HIP1R: variants seen among roughly 807,000 people sequenced by gnomAD.
HIP1R encodes the protein huntingtin-interacting protein 1-related protein.
Under a neutral mutation model 144.2 loss-of-function variants are expected in HIP1R, and 135 were observed. That is an observed-to-expected ratio of 0.94 (90% CI 0.81 to 1.08). The LOEUF (loss-of-function observed/expected upper bound fraction) is 1.08, where lower values mean the gene tolerates loss of function less well. Ranked by LOEUF, HIP1R falls within the 50% of genes least tolerant of loss-of-function variation. The pLI is 0.00. For missense variants in HIP1R, 1,462 were observed against 1,432.8 expected (o/e 1.02, Z -0.33); for synonymous variants, 698 against 612.8 (o/e 1.14, Z -2.05).
intron 20 of HIP1R, 43 bp downstream of exon 20, chr12:122,858,478 AGTTCC>A: frequency 6.7e-7 from 1 of 1,483,210 alleles, no homozygotes; most frequent in Non-Finnish European, 9.2e-7. Flanking sequence ...GCTGTGTCCC[AGTTCC>A]AGCGCCCATG....
chr12:122,839,089 T>C (rs2032985824), intron 1 of HIP1R, among the ~76,000 whole-genome samples: 1 of 152,232 alleles, frequency 6.6e-6, no homozygotes, highest in African/African-American at 2.4e-5. Context: ...TAGAAGGGCC[T>C]CAGCAGATAC....
At chr12:122,837,875 C>A (rs942971590) in intron 1 of HIP1R, among the ~76,000 whole-genome samples, 1 of 152,186 alleles carries the variant, frequency 6.6e-6, no homozygotes, top group Admixed American at 6.5e-5. Context: ...AGCCGCCAGC[C>A]AGGTCCCGTG....
intron 10 of HIP1R, 26 bp downstream of exon 10, chr12:122,855,154 G>A (rs1158268618): frequency 6.2e-7 from 1 of 1,610,174 alleles, no homozygotes; most frequent in African/African-American, 1.3e-5. Flanking sequence ...GGGCCCCGAG[G>A]CCCTTTGAGG....
intron 1 of HIP1R, among the ~76,000 whole-genome samples, chr12:122,846,135 G>A (rs2033206048): frequency 1.3e-5 from 2 of 152,224 alleles, no homozygotes; most frequent in Admixed American, 1.3e-4. Context: ...CCTGGCTTGT[G>A]ACAGGACAGC....
intron 27 of HIP1R, 49 bp from the exon 28 acceptor site, chr12:122,860,630 C>T (rs1307136447): frequency 1.9e-6 from 3 of 1,577,472 alleles, no homozygotes; most frequent in Admixed American, 3.3e-5. Context: ...GTGGTGCCAG[C>T]CGTCCGTGGG....
rs1326620843 is a variant in HIP1R, at chr12:122,858,878, C to T, written c.2091C>T (p.His697=). The T allele has an allele frequency of 1.9e-6, 3 of 1,613,328 alleles. No homozygotes were observed. The highest frequency in any genetic ancestry group is 2.5e-6 in the Non-Finnish European group (3 of 1,180,018). Residue 697 remains histidine, a synonymous_variant, in exon 21 of 32, where the codon CAC becomes CAT. Coordinates refer to ENST00000253083, the MANE Select transcript of HIP1R (RefSeq NM_003959.3). ...TGGCAGCTCTGACCCGCTTCTCCCACCTGGCTGCGGATACCATCATCAATG... is the reference window on the plus strand; with the variant it reads ...TGGCAGCTCTGACCCGCTTCTCCCATCTGGCTGCGGATACCATCATCAATG... ...ALVAALTRFS[H]LAADTIINGG...
At chr12:122,842,314 C>T (rs539403924) in intron 1 of HIP1R, among the ~76,000 whole-genome samples, 2 of 152,312 alleles carry the variant, frequency 1.3e-5, no homozygotes, top group South Asian at 4.1e-4. Context: ...TTCATTTCAG[C>T]GTTGATTTTA....
At chr12:122,853,989 C>G in intron 7 of HIP1R, 54 bp from the exon 8 acceptor site, 2 of 1,583,038 alleles carry the variant, frequency 1.3e-6, no homozygotes, top group Admixed American at 3.4e-5. Flanking sequence ...CCACCTTGGA[C>G]AGGTTGCCCA....
Position 122,860,470 on chromosome 12 carries a change from C to A in HIP1R, c.2607C>A (p.Thr869=). 6.2e-7 allele frequency: 1 copy of A among 1,613,338 alleles called. No individual in the cohort carries two copies. The highest frequency in any genetic ancestry group is 8.5e-7 in the Non-Finnish European group (1 of 1,179,998). The stretch of plus-strand genomic sequence containing the variant: ...TTTACGCCAAGAACTCGCGCTGGAC[C>A]GAAGGCCTCATCTCGGCCTCCAAGG... ...QEFYAKNSRW[T]EGLISASKAV... The change falls in exon 27 of 32, where the codon ACC becomes ACA. Residue 869 remains threonine, a synonymous_variant. Transcript: ENST00000253083.
In HIP1R at chr12:122,851,237, T is replaced by TTCCA; in HGVS notation, c.518_521dup (p.Gln174HisfsTer9). 1 of 1,521,606 alleles carries TTCCA rather than the reference T, an allele frequency of 6.6e-7. No individual in the cohort carries two copies. The highest frequency in any genetic ancestry group is 8.8e-7 in the Non-Finnish European group (1 of 1,142,206). The allele number at this position is 1,521,606 out of a possible 1,614,324, so 94.3% of individuals were successfully genotyped here. A position where few individuals can be genotyped will look rare whatever the true frequency, so the allele number is the denominator to read the frequency against. The stretch of plus-strand genomic sequence containing the variant: ...TCTTCCCCCACTTCTCTTGCGTAGC[T>TTCCA]TCCAGCTCACTGTGGAGATGTTTGA... On this transcript the variant is annotated frameshift_variant and splice_region_variant, in exon 7 of 32. Transcript: ENST00000253083. LOFTEE classifies it high-confidence loss of function.
At position 122,835,631 on chromosome 12, in the gene HIP1R, C is replaced by T. The variant is rs772979386; in HGVS notation, c.81C>T (p.Phe27=). ...GCCTGGAGGCCGAGCGCGAGCAGTT[C>T]GACAAGACCCAGGCGAGCGGGCGGC... The part of the protein sequence containing the change: ...GHSLEAEREQ[F]DKTQAISISK... The change falls in exon 1 of 32, where the codon TTC becomes TTT. Residue 27 remains phenylalanine (F), a synonymous_variant. Coordinates refer to ENST00000253083, the MANE Select transcript of HIP1R (RefSeq NM_003959.3). 5.6e-5 allele frequency: 69 copies of T among 1,229,396 alleles called. No individual in the cohort carries two copies. In the East Asian group the frequency reaches 6.7e-4, roughly 12 times the overall value. 76.2% of individuals were successfully genotyped at this position (1,229,396 alleles called of 1,614,324 possible).
intron 14 of HIP1R, 44 bp from the exon 15 acceptor site, chr12:122,856,212 T>A (rs368566373): frequency 3.1e-5 from 50 of 1,612,360 alleles, no homozygotes; most frequent in Non-Finnish European, 4.0e-5. Context: ...CCCCAGCCCC[T>A]GCCACCCCAC....
intron 22 of HIP1R, 37 bp from the exon 23 acceptor site, chr12:122,859,389 A>G (rs1336561258): frequency 3.9e-6 from 6 of 1,539,114 alleles, no homozygotes; most frequent in Middle Eastern, 1.7e-4. Flanking sequence ...ACGGGGGGGG[A>G]CGGAGGCTAC....
intron 20 of HIP1R, 50 bp from the exon 21 acceptor site, chr12:122,858,788 A>G (rs368950457): frequency 3.9e-6 from 5 of 1,270,698 alleles, no homozygotes; most frequent in Non-Finnish European, 5.7e-6. Flanking sequence ...TCCCAGTGCT[A>G]GTGTCTCAGT....
chr12:122,854,297 T>TGGGTTTATTACTGCC, intron 8 of HIP1R, 114 bp downstream of exon 8: 1 of 715,814 alleles, frequency 1.4e-6, no homozygotes, highest in Non-Finnish European at 2.0e-6. Flanking sequence ...AAAATGGCAG[T>TGGGTTTATTACTGCC]AATAAACCCA....
chr12:122,859,330 C>T, intron 22 of HIP1R, 96 bp from the exon 23 acceptor site: 3 of 1,457,320 alleles, frequency 2.1e-6, no homozygotes, highest in South Asian at 1.2e-5. Flanking sequence ...GACCATGCAC[C>T]CTCCTCGATC....
chr12:122,835,579 G>A lies in HIP1R; in HGVS notation c.29G>A (p.Arg10Gln). The change falls in exon 1 of 32, where the codon CGG becomes CAG. Residue 10 changes from arginine (R) to glutamine (Q), a missense_variant. Around this residue, in one of 2 missense-constraint regions of HIP1R, gnomAD observed 350 missense variants for 421.1 expected, o/e 0.83. Coordinates refer to ENST00000253083, the MANE Select transcript of HIP1R (RefSeq NM_003959.3). MNSIKNVPA[R>Q]VLSRRPGHSL... The stretch of plus-strand genomic sequence containing the variant: ...AACAGCATCAAGAACGTGCCGGCGC[G>A]GGTGCTGAGCCGCAGGCCGGGCCAC... 7.4e-7 allele frequency: 1 copy of A among 1,354,834 alleles called. No homozygotes were observed. Among genetic ancestry groups the A allele is most frequent in the East Asian group, 3.4e-5 (1 of 29,418 alleles). 83.9% of individuals were successfully genotyped at this position (1,354,834 alleles called of 1,614,324 possible).
At chr12:122,859,035 C>T (rs1204927902) in intron 21 of HIP1R, 26 bp from the exon 22 acceptor site, 2 of 1,605,760 alleles carry the variant, frequency 1.2e-6, no homozygotes, top group South Asian at 1.1e-5. Context: ...GGGGGGGGCT[C>T]CACTCACGGT....
Position 122,859,383 on chromosome 12 carries a change from G to A in HIP1R, c.2296-43G>A, listed in dbSNP as rs567804081. ...CTTTCCCAGGCTGCCCGTGGGACGG[G>A]GGGGGACGGAGGCTACCCCTGTCTG... On this transcript the variant is annotated intron_variant, in intron 22 of 31. Coordinates refer to ENST00000253083, the MANE Select transcript of HIP1R (RefSeq NM_003959.3). 124 of 1,562,198 alleles carry A rather than the reference G, an allele frequency of 7.9e-5. No homozygotes were observed. In the East Asian group the frequency reaches 2.0e-3, roughly 25 times the overall value.
Sources: allele counts gnomAD v4.1 joint callset (sites outside exome capture counted in the v4.1 genomes callset), GRCh38; gene constraint gnomAD v4.1.1; regional missense constraint gnomAD v4.1.1; transcripts MANE v1.5; gene names NCBI Gene and HGNC (gene_info 2026-07-23, HGNC 2026-07-21).